The following SLC27A2 variants were observed in gnomAD, a reference collection of about 807,000 sequenced individuals.
The protein encoded by SLC27A2 is long-chain fatty acid transport protein 2.
In SLC27A2, 54 loss-of-function variants were observed where a neutral mutation model predicts 60.0. The ratio of observed to expected loss-of-function variants is 0.90; its 90% confidence interval spans 0.72 to 1.13. SLC27A2 has a LOEUF of 1.13. SLC27A2 is among the 50% of genes most tolerant of loss of function. SLC27A2 has a pLI of 0.00. For missense variants in SLC27A2, 739 were observed against 777.6 expected, an observed-to-expected ratio of 0.95 and a Z score of 0.59; for synonymous variants, 297 against 297.6, an observed-to-expected ratio of 1.00 and a Z score of 0.02.
intron 4 of SLC27A2, among the ~76,000 whole-genome samples, chr15:50,217,184 A>G (rs961291041): frequency 2.6e-5 from 4 of 152,120 alleles, no homozygotes; most frequent in Admixed American, 2.0e-4. Flanking sequence ...AAATCTCACA[A>G]ATCACCACTG....
intron 1 of SLC27A2, 53 bp downstream of exon 1, chr15:50,182,958 C>A: frequency 6.5e-7 from 1 of 1,529,818 alleles, no homozygotes; most frequent in Non-Finnish European, 8.8e-7. Flanking sequence ...GGCGCCTTGA[C>A]TGACGAGCCA....
At chr15:50,203,020 A>T (rs79362965) in intron 3 of SLC27A2, among the ~76,000 whole-genome samples, 15 of 147,798 alleles carry the variant, frequency 1.0e-4, no homozygotes, top group African/African-American at 3.8e-4. Context: ...CTCTAAAAAA[A>T]ATATATATAT....
intron 4 of SLC27A2, among the ~76,000 whole-genome samples, chr15:50,213,090 A>T (rs2045169940): frequency 6.6e-6 from 1 of 152,236 alleles, no homozygotes; most frequent in African/African-American, 2.4e-5. Flanking sequence ...ACATAAACTT[A>T]AAGTAAACAG....
chr15:50,190,377 C>T (rs2044963827), intron 1 of SLC27A2, among the ~76,000 whole-genome samples: 1 of 152,174 alleles, frequency 6.6e-6, no homozygotes, highest in Admixed American at 6.5e-5. Flanking sequence ...TCCTTTTGGA[C>T]CTTACCTTCT....
chr15:50,182,315 C>A lies in SLC27A2; in HGVS notation c.-113C>A, dbSNP rs2044860200. On this transcript the variant is annotated 5_prime_UTR_variant, in exon 1 of 10. Coordinates refer to ENST00000267842, the MANE Select transcript of SLC27A2 (RefSeq NM_003645.4). ...CATCTCACGCGAGCCCGGCGTCCCG[C>A]CGCGTGCGCCCCGGCGCAGCCCGCC... is the stretch of plus-strand genomic sequence containing the variant. 2.3e-6 allele frequency: 3 copies of A among 1,328,032 alleles called. No homozygotes were observed. The South Asian group carries it at 6.8e-5, about 30-fold the overall frequency. 82.3% of individuals were successfully genotyped at this position (1,328,032 alleles called of 1,614,324 possible).
chr15:50,227,132 C>A lies in SLC27A2; in HGVS notation c.1411C>A (p.His471Asn). 6.2e-7 allele frequency: 1 copy of A among 1,613,138 alleles called. No homozygotes were observed. The highest frequency in any genetic ancestry group is 8.5e-7 in the Non-Finnish European group (1 of 1,179,668). ...CAGTGGAGATCTCTTAATGGTTGAC[C>A]ATGAAAATTTCATCTATTTCCACGA... Reference protein sequence around the residue: ...FNSGDLLMVDHENFIYFHDRV... With the variant: ...FNSGDLLMVDNENFIYFHDRV... The change falls in exon 7 of 10, where the codon CAT becomes AAT. Residue 471 changes from histidine (H) to asparagine (N), a missense_variant. By Grantham distance (68) the His-to-Asn change is moderately conservative. Transcript: ENST00000267842.
chr15:50,226,629 G>T (rs933959935), intron 6 of SLC27A2, among the ~76,000 whole-genome samples: 1 of 152,296 alleles, frequency 6.6e-6, no homozygotes, highest in African/African-American at 2.4e-5. Context: ...CTACTTGGGA[G>T]GCTGAGGCAG....
chr15:50,203,863 G>A (rs1397537158), intron 3 of SLC27A2, among the ~76,000 whole-genome samples: 1 of 152,044 alleles, frequency 6.6e-6, no homozygotes, highest in Non-Finnish European at 1.5e-5. Context: ...TCCATGTAAG[G>A]ACACAGGGAG....
Position 50,182,418 on chromosome 15 carries a change from C to G in SLC27A2, c.-10C>G. ...CTGCCCTCGCTGGGACAGAGGGCCCCGCAGCCGTCATGCTTTCCGCCATCT... is the reference window on the plus strand; with the variant it reads ...CTGCCCTCGCTGGGACAGAGGGCCCGGCAGCCGTCATGCTTTCCGCCATCT... On this transcript the variant is annotated 5_prime_UTR_variant, in exon 1 of 10. Coordinates refer to ENST00000267842, the MANE Select transcript of SLC27A2 (RefSeq NM_003645.4). 6.3e-7 allele frequency: 1 copy of G among 1,582,064 alleles called. No homozygotes were observed. The highest frequency in any genetic ancestry group is 8.6e-7 in the Non-Finnish European group (1 of 1,161,376).
chr15:50,233,830 G>A, intron 8 of SLC27A2, 38 bp from the exon 9 acceptor site: 3 of 1,572,788 alleles, frequency 1.9e-6, no homozygotes, highest in Non-Finnish European at 2.6e-6. Flanking sequence ...ATCATAAATA[G>A]CCTTAACACT....
rs762291364 is a variant in SLC27A2, at chr15:50,205,427, G to A, written c.972+64G>A. 3.3e-6 allele frequency: 5 copies of A among 1,522,094 alleles called. No individual in the cohort carries two copies. The South Asian group carries it at 5.0e-5, about 15-fold the overall frequency. The allele number at this position is 1,522,094 out of a possible 1,614,324, so 94.3% of individuals were successfully genotyped here. A position where few individuals can be genotyped will look rare whatever the true frequency, so the allele number is the denominator to read the frequency against. On this transcript the variant is annotated intron_variant, in intron 4 of 9. Transcript: ENST00000267842. Reference sequence around the variant, plus strand: ...TAAGATGGAAATTCAAGTCACTTTGGGTTGTGCTAGGCTTCAACTGATTTG... The same window carrying A: ...TAAGATGGAAATTCAAGTCACTTTGAGTTGTGCTAGGCTTCAACTGATTTG...
intron 1 of SLC27A2, among the ~76,000 whole-genome samples, chr15:50,185,562 T>A (rs796087125): frequency 3.0e-4 from 42 of 141,482 alleles, no homozygotes; most frequent in African/African-American, 1.0e-3. Flanking sequence ...TGTTATACTT[T>A]AAAAAAAAAA....
At chr15:50,188,756 T>TG (rs2044945758) in intron 1 of SLC27A2, among the ~76,000 whole-genome samples, 1 of 152,332 alleles carries the variant, frequency 6.6e-6, no homozygotes, top group East Asian at 1.9e-4. Context: ...GTTCAGGAGT[T>TG]GGAGACCAGC....
chr15:50,221,651 A>G (rs905669985), intron 4 of SLC27A2, among the ~76,000 whole-genome samples: 1 of 152,208 alleles, frequency 6.6e-6, no homozygotes. Flanking sequence ...AATAATATAG[A>G]AAAAGCTCTA....
chr15:50,220,750 A>G (rs1274576221), intron 4 of SLC27A2, among the ~76,000 whole-genome samples: 1 of 152,214 alleles, frequency 6.6e-6, no homozygotes, highest in East Asian at 1.9e-4. Context: ...TCAGTATCCA[A>G]ACAGGGACAC....
At chr15:50,187,106 C>A (rs534440371) in intron 1 of SLC27A2, among the ~76,000 whole-genome samples, 6 of 152,340 alleles carry the variant, frequency 3.9e-5, no homozygotes, top group African/African-American at 1.4e-4. Context: ...TCAGGAATTT[C>A]AGTACTCAAT....
At position 50,223,075 on chromosome 15, in the gene SLC27A2, C is replaced by T. The variant is rs779576293; in HGVS notation, c.1083C>T (p.Phe361=). 1 of 1,613,960 alleles carries T rather than the reference C, an allele frequency of 6.2e-7. No individual in the cohort carries two copies. Among genetic ancestry groups the T allele is most frequent in the Admixed American group, 1.7e-5 (1 of 60,000 alleles). ...TTGGGGACATATGCATCTATGAGTT[C>T]TATGCTGCCACTGAAGGCAATATTG... ...KRFGDICIYE[F]YAATEGNIGF... The change falls in exon 5 of 10, where the codon TTC becomes TTT. Residue 361 remains phenylalanine, a synonymous_variant. Coordinates refer to ENST00000267842, the MANE Select transcript of SLC27A2 (RefSeq NM_003645.4).
chr15:50,210,841 G>C (rs957388348), intron 4 of SLC27A2, among the ~76,000 whole-genome samples: 46 of 152,268 alleles, frequency 3.0e-4, no homozygotes, highest in African/African-American at 1.1e-3. Context: ...CTGGAAGCTG[G>C]GTGAGGCCTG....
chr15:50,220,187 G>T (rs532582099), intron 4 of SLC27A2, among the ~76,000 whole-genome samples: 2 of 152,304 alleles, frequency 1.3e-5, no homozygotes, highest in South Asian at 4.1e-4. Flanking sequence ...ACCTGCTACT[G>T]GCAGGTGATA....
Sources: gnomAD v4.1 joint callset for allele counts (sites outside exome capture counted in the v4.1 genomes callset) on GRCh38, gnomAD v4.1.1 for gene constraint, MANE v1.5 for transcripts, NCBI Gene and HGNC (gene_info 2026-07-23, HGNC 2026-07-21) for gene names.